ANO4: variants seen among roughly 807,000 people sequenced by gnomAD.
ANO4 encodes anoctamin-4.
A neutral mutation model predicts 141.9 loss-of-function variants in ANO4; 69 were observed. The observed-to-expected ratio is 0.49, with a 90% CI of 0.40 to 0.59. The LOEUF (loss-of-function observed/expected upper bound fraction) is 0.59, where lower values mean the gene tolerates loss of function less well. Ranked by LOEUF, ANO4 falls within the 20% of genes least tolerant of loss-of-function variation. The pLI, the probability that ANO4 is intolerant of heterozygous loss-of-function variation, is 0.00. For missense variants in ANO4, 894 were observed against 1,162.2 expected, an observed-to-expected ratio of 0.77 and a Z score of 3.36; for synonymous variants, 350 against 394.3, an observed-to-expected ratio of 0.89 and a Z score of 1.33.
intron 1 of ANO4, among the ~76,000 whole-genome samples, chr12:100,883,327 A>G (rs552590576): frequency 6.6e-6 from 1 of 152,358 alleles, no homozygotes; most frequent in South Asian, 2.1e-4. Context: ...TTTCAGCCTT[A>G]AGGGCCATAA....
intron 25 of ANO4, among the ~76,000 whole-genome samples, chr12:101,118,361 G>A (rs2050940974): frequency 6.6e-6 from 1 of 152,106 alleles, no homozygotes; most frequent in Non-Finnish European, 1.5e-5. Context: ...AATTATTAAT[G>A]TGAATGGAGG....
At chr12:101,057,572 G>C (rs2048174015) in intron 14 of ANO4, among the ~76,000 whole-genome samples, 1 of 152,092 alleles carries the variant, frequency 6.6e-6, no homozygotes, top group Non-Finnish European at 1.5e-5. Flanking sequence ...GGCATGAGAT[G>C]GTATCTCATT....
In ANO4 at chr12:101,048,384, T is replaced by G. The variant is rs770321789; in HGVS notation, c.1295T>G (p.Val432Gly). 3.7e-6 allele frequency: 6 copies of G among 1,613,690 alleles called. No individual in the cohort carries two copies. The highest frequency in any genetic ancestry group is 5.1e-6 in the Non-Finnish European group (6 of 1,179,804). The change falls in exon 14 of 28, where the codon GTT becomes GGT. Residue 432 changes from valine to glycine, a missense_variant. Transcript: ENST00000392977. ...AATGGAGCCACTGTCTTCTTTGCTG[T>G]TTTCATGGCAGTCTGGGGTAAGTGT... ...FDNGATVFFAVFMAVWATVFL... is the reference protein window; with the variant it reads ...FDNGATVFFAGFMAVWATVFL...
At chr12:101,057,975 C>T (rs1228690301) in intron 14 of ANO4, among the ~76,000 whole-genome samples, 1 of 152,130 alleles carries the variant, frequency 6.6e-6, no homozygotes, top group Non-Finnish European at 1.5e-5. Context: ...AGGTTTTCCT[C>T]TAGGATTTTT....
chr12:100,996,503 G>A (rs1195396588), intron 8 of ANO4, among the ~76,000 whole-genome samples: 1 of 152,184 alleles, frequency 6.6e-6, no homozygotes, highest in Non-Finnish European at 1.5e-5. Context: ...TGCCAACATG[G>A]TGAAACCCTG....
chr12:100,754,309 CT>C (rs1258004954), intron 3 of ANO4, among the ~76,000 whole-genome samples: 2 of 152,206 alleles, frequency 1.3e-5, no homozygotes, highest in African/African-American at 2.4e-5. Flanking sequence ...ATGCTCTTTT[CT>C]TTAGTCCTGT....
At chr12:100,723,406 G>C (rs1447975951) in intron 1 of ANO4, among the ~76,000 whole-genome samples, 1 of 152,078 alleles carries the variant, frequency 6.6e-6, no homozygotes, top group Non-Finnish European at 1.5e-5. Context: ...CTTCTTGCTG[G>C]ATGCTCACGT....
At chr12:100,842,019 C>G (rs1299213087) in intron 1 of ANO4, among the ~76,000 whole-genome samples, 1 of 135,766 alleles carries the variant, frequency 7.4e-6, no homozygotes, top group Non-Finnish European at 1.5e-5. Flanking sequence ...GCCAAATTCT[C>G]TGTGTAGCTT....
At chr12:100,812,470 G>GTATATA (rs61192735) in intron 1 of ANO4, among the ~76,000 whole-genome samples, 3 of 148,968 alleles carry the variant, frequency 2.0e-5, no homozygotes, top group Non-Finnish European at 3.0e-5. Context: ...TTGTATTTAT[G>GTATATA]TATATATATA....
chr12:101,073,820 G>A (rs1416227287), intron 14 of ANO4, among the ~76,000 whole-genome samples: 2 of 152,076 alleles, frequency 1.3e-5, no homozygotes, highest in African/African-American at 4.8e-5. Context: ...TGAGAAGATT[G>A]CTATTTGGGA....
At chr12:100,951,340 C>T (rs2042962135) in intron 5 of ANO4, among the ~76,000 whole-genome samples, 1 of 152,106 alleles carries the variant, frequency 6.6e-6, no homozygotes, top group Non-Finnish European at 1.5e-5. Context: ...TGTGTATATA[C>T]CCAAAGGAAT....
At chr12:100,971,524 T>A in intron 6 of ANO4, 118 bp downstream of exon 6, 1 of 620,906 alleles carries the variant, frequency 1.6e-6, no homozygotes, top group Non-Finnish European at 2.6e-6. Flanking sequence ...GAGGAGGGAA[T>A]CTTTCAAATG....
At chr12:100,978,177 A>G (rs1011150064) in intron 7 of ANO4, among the ~76,000 whole-genome samples, 4 of 152,220 alleles carry the variant, frequency 2.6e-5, no homozygotes, top group African/African-American at 4.8e-5. Context: ...ATTCAATTCT[A>G]TATTTCCAGC....
At chr12:100,773,597 A>G (rs1397371986) in intron 3 of ANO4, among the ~76,000 whole-genome samples, 3 of 152,154 alleles carry the variant, frequency 2.0e-5, no homozygotes, top group African/African-American at 7.2e-5. Flanking sequence ...ACATTTCTCA[A>G]TCTCTGGGAA....
intron 14 of ANO4, among the ~76,000 whole-genome samples, chr12:101,053,327 G>A (rs910440871): frequency 1.3e-5 from 2 of 152,220 alleles, no homozygotes; most frequent in African/African-American, 4.8e-5. Context: ...CTCTGAAAAG[G>A]AAGAATTGGC....
intron 22 of ANO4, among the ~76,000 whole-genome samples, chr12:101,102,212 T>C (rs997047756): frequency 6.6e-6 from 1 of 152,218 alleles, no homozygotes; most frequent in East Asian, 1.9e-4. Flanking sequence ...TTGATTAACA[T>C]ACGTAGATGT....
chr12:100,994,397 G>A (rs1015078778), intron 8 of ANO4, among the ~76,000 whole-genome samples: 2 of 152,144 alleles, frequency 1.3e-5, no homozygotes, highest in Non-Finnish European at 2.9e-5. Context: ...CACCCTTGAG[G>A]CAATTACTTT....
chr12:100,857,439 T>G (rs2038235322), intron 1 of ANO4, among the ~76,000 whole-genome samples: 1 of 152,168 alleles, frequency 6.6e-6, no homozygotes, highest in African/African-American at 2.4e-5. Context: ...ATTCGTGATC[T>G]GACTTAATCC....
chr12:100,872,455 G>A (rs1326425647), intron 1 of ANO4, among the ~76,000 whole-genome samples: 4 of 152,176 alleles, frequency 2.6e-5, no homozygotes, highest in Admixed American at 6.5e-5. Flanking sequence ...ATATATTTAT[G>A]TGTCTAGGTA....
Sources: gnomAD v4.1 joint callset for allele counts (sites outside exome capture counted in the v4.1 genomes callset) on GRCh38, gnomAD v4.1.1 for gene constraint, MANE v1.5 for transcripts, NCBI Gene and HGNC (gene_info 2026-07-23, HGNC 2026-07-21) for gene names.